GRID2: variants seen among roughly 807,000 people sequenced by gnomAD.
The protein encoded by GRID2 is glutamate receptor ionotropic, delta-2.
Under a neutral mutation model 114.8 loss-of-function variants are expected in GRID2, and 33 were observed. That is an observed-to-expected ratio of 0.29 (90% confidence interval 0.22 to 0.38). GRID2 has a LOEUF of 0.38. GRID2 is among the 10% of genes least tolerant of loss of function. The pLI is 1.00. For synonymous variants in GRID2, 505 were observed against 449.9 expected, an observed-to-expected ratio of 1.12 and a Z score of -1.55; for missense variants, 1,184 against 1,257.7, an observed-to-expected ratio of 0.94 and a Z score of 0.89.
At position 92,979,934 on chromosome 4, in the gene GRID2, A is replaced by C. The variant is rs150343909; in HGVS notation, c.245-105061A>C. 2.0e-3 allele frequency among the ~76,000 whole-genome samples: 304 copies of C among 152,290 alleles called. 3 individuals carry two copies. Among genetic ancestry groups the C allele is most frequent in the African/African-American group, 7.1e-3 (296 of 41,574 alleles). On this transcript the variant is annotated intron_variant, in intron 2 of 15. Transcript: ENST00000282020. The stretch of plus-strand genomic sequence containing the variant: ...TGGTCAGCAGGAATGTTAGCAGACA[A>C]CATCTCATTTTTGCAATTAATCTGC...
chr4:92,605,822 T>G (rs982521122), intron 2 of GRID2, among the ~76,000 whole-genome samples: 3 of 152,126 alleles, frequency 2.0e-5, no homozygotes, highest in South Asian at 2.1e-4. Flanking sequence ...TGTGAGTTTT[T>G]TACCTAAATC....
chr4:93,478,166 T>G (rs572056199), intron 11 of GRID2, among the ~76,000 whole-genome samples: 3 of 152,154 alleles, frequency 2.0e-5, no homozygotes, highest in Admixed American at 1.3e-4. Context: ...AAAAACATTG[T>G]GAAAGTAAGA....
Position 92,431,652 on chromosome 4 carries a change from C to T in GRID2, c.88+126908C>T, listed in dbSNP as rs566990554. Among the ~76,000 whole-genome samples, 13 of 151,490 alleles carry T rather than the reference C, an allele frequency of 8.6e-5. No individual in the cohort carries two copies. In the East Asian group the frequency reaches 2.2e-3, roughly 25 times the overall value. ...AAGACTTTCCAGAAAAAAAGACTTT[C>T]CGTCTCTATGTTATCTTGAATTTCA... On this transcript the variant is annotated intron_variant, in intron 1 of 15. Transcript: ENST00000282020.
At chr4:93,174,835 A>C (rs954541523) in intron 4 of GRID2, among the ~76,000 whole-genome samples, 1 of 152,132 alleles carries the variant, frequency 6.6e-6, no homozygotes, top group Admixed American at 6.5e-5. Context: ...GCTAACATAC[A>C]TGGCATGAAT....
At chr4:93,604,700 C>G (rs1740028095) in intron 13 of GRID2, among the ~76,000 whole-genome samples, 1 of 152,166 alleles carries the variant, frequency 6.6e-6, no homozygotes, top group African/African-American at 2.4e-5. Context: ...CACAGACACT[C>G]CAAGCTTCAG....
chr4:92,900,624 A>G (rs1182763018), intron 2 of GRID2, among the ~76,000 whole-genome samples: 1 of 152,064 alleles, frequency 6.6e-6, no homozygotes, highest in East Asian at 1.9e-4. Context: ...AGGTCAGGAG[A>G]TCGAGACCAT....
At chr4:92,721,999 A>G (rs187728136) in intron 2 of GRID2, among the ~76,000 whole-genome samples, 59 of 152,278 alleles carry the variant, frequency 3.9e-4, no homozygotes, top group Non-Finnish European at 6.5e-4. Context: ...GAACCTAAGA[A>G]AATTATTTAA....
At chr4:92,372,486 G>T (rs187948549) in intron 1 of GRID2, among the ~76,000 whole-genome samples, 6 of 152,232 alleles carry the variant, frequency 3.9e-5, no homozygotes, top group South Asian at 4.1e-4. Context: ...CTCACAGAAG[G>T]TTCAGATGGT....
At chr4:93,154,466 T>C (rs143896060) in intron 4 of GRID2, among the ~76,000 whole-genome samples, 1 of 152,136 alleles carries the variant, frequency 6.6e-6, no homozygotes, top group African/African-American at 2.4e-5. Context: ...GCTGTCACAC[T>C]AGTGGTTAAA....
chr4:93,773,596 C>T lies in GRID2; in HGVS notation c.*1098C>T, dbSNP rs1312297046. The T allele has an allele frequency of 1.3e-5, 2 of 152,008 alleles. No homozygotes were observed. Among genetic ancestry groups the T allele is most frequent in the Non-Finnish European group, 2.9e-5 (2 of 67,972 alleles). The allele number at this position is 152,008 out of a possible 1,614,324, so 9.4% of individuals were successfully genotyped here. A position where few individuals can be genotyped will look rare whatever the true frequency, so the allele number is the denominator to read the frequency against. ...AATGCTATTAGCTGAACCACATCCACAACAGCACATAGAGCTCTAGAAGAG... is the reference window on the plus strand; with the variant it reads ...AATGCTATTAGCTGAACCACATCCATAACAGCACATAGAGCTCTAGAAGAG... On this transcript the variant is annotated 3_prime_UTR_variant, in exon 16 of 16. Transcript: ENST00000282020.
At chr4:92,560,242 T>C (rs1265948052) in intron 1 of GRID2, among the ~76,000 whole-genome samples, 2 of 152,136 alleles carry the variant, frequency 1.3e-5, no homozygotes, top group Non-Finnish European at 2.9e-5. Flanking sequence ...CCAAATCAAA[T>C]TCTTACTCAC....
Position 92,942,347 on chromosome 4 carries a change from A to C in GRID2, c.245-142648A>C, listed in dbSNP as rs1029105843. Reference sequence around the variant, plus strand: ...AATGGCCTTCTTTGTCTCTTCTGATATTTGTTGGTTTAAAGTCTGTTTTAT... The same window carrying C: ...AATGGCCTTCTTTGTCTCTTCTGATCTTTGTTGGTTTAAAGTCTGTTTTAT... On this transcript the variant is annotated intron_variant, in intron 2 of 15. Coordinates refer to ENST00000282020, the MANE Select transcript of GRID2 (RefSeq NM_001510.4). 1.2e-4 allele frequency among the ~76,000 whole-genome samples: 19 copies of C among 152,012 alleles called. 1 individual carries two copies. The highest frequency in any genetic ancestry group is 7.2e-4 in the Admixed American group (11 of 15,234).
intron 4 of GRID2, among the ~76,000 whole-genome samples, chr4:93,186,552 A>G (rs973650576): frequency 2.4e-4 from 37 of 152,182 alleles, no homozygotes; most frequent in Admixed American, 2.1e-3. Flanking sequence ...GCTTCTCTAC[A>G]TCTCCCTACA....
In GRID2 at chr4:92,843,004, C is replaced by G. The variant is rs182579466; in HGVS notation, c.245-241991C>G. 4.7e-3 allele frequency among the ~76,000 whole-genome samples: 714 copies of G among 152,096 alleles called. 9 individuals carry two copies. Among genetic ancestry groups the G allele is most frequent in the African/African-American group, 0.016 (677 of 41,512 alleles). On this transcript the variant is annotated intron_variant, in intron 2 of 15. Coordinates refer to ENST00000282020, the MANE Select transcript of GRID2 (RefSeq NM_001510.4). Reference sequence around the variant, plus strand: ...CGGTAATGTAAGCACTTTGGCAGGCCAAGGCTGGAGGATCATTTGAGCCCA... The same window carrying G: ...CGGTAATGTAAGCACTTTGGCAGGCGAAGGCTGGAGGATCATTTGAGCCCA...
intron 10 of GRID2, among the ~76,000 whole-genome samples, chr4:93,443,379 C>G (rs1176432296): frequency 2.7e-5 from 4 of 150,876 alleles, no homozygotes; most frequent in Admixed American, 2.6e-4. Flanking sequence ...AATCAGAACT[C>G]AGAAAAATAA....
intron 2 of GRID2, among the ~76,000 whole-genome samples, chr4:93,065,103 TA>T (rs1009700923): frequency 6.6e-6 from 1 of 151,900 alleles, no homozygotes; most frequent in African/African-American, 2.4e-5. Context: ...TGTTAAAATT[TA>T]AAAAATATTT....
intron 2 of GRID2, among the ~76,000 whole-genome samples, chr4:92,794,874 T>TTATATATA (rs34559735): frequency 0.018 from 1,894 of 105,870 alleles, 30 homozygotes; most frequent in African/African-American, 0.027. Flanking sequence ...AATAATTGTT[T>TTATATATA]TATATATATA....
At chr4:93,482,608 G>A (rs534725169) in intron 11 of GRID2, among the ~76,000 whole-genome samples, 1 of 151,770 alleles carries the variant, frequency 6.6e-6, no homozygotes, top group African/African-American at 2.4e-5. Context: ...CCTAAATGAC[G>A]GGTTGATGTT....
intron 14 of GRID2, among the ~76,000 whole-genome samples, chr4:93,636,940 C>A (rs1243004463): frequency 6.6e-6 from 1 of 152,126 alleles, no homozygotes; most frequent in Non-Finnish European, 1.5e-5. Context: ...CTGCCAGTTC[C>A]TTTTGTTTAA....
Sources: gnomAD v4.1 joint callset for allele counts (sites outside exome capture counted in the v4.1 genomes callset) on GRCh38, gnomAD v4.1.1 for gene constraint, MANE v1.5 for transcripts, NCBI Gene and HGNC (gene_info 2026-07-23, HGNC 2026-07-21) for gene names.